The following ERC1 variants were observed in gnomAD, a reference collection of about 807,000 sequenced individuals.
ERC1 encodes ELKS/RAB6-interacting/CAST family member 1, also known as RAB6 interacting protein 2.
In ERC1, 56 loss-of-function variants were observed where a neutral mutation model predicts 132.0. The ratio of observed to expected loss-of-function variants is 0.42; its 90% CI spans 0.34 to 0.53. The LOEUF is 0.53. Ranked by LOEUF, ERC1 falls within the 20% of genes least tolerant of loss-of-function variation. The pLI is 0.03. For missense variants in ERC1, 1,202 were observed against 1,349.9 expected, an observed-to-expected ratio of 0.89 and a Z score of 1.72; for synonymous variants, 478 against 476.1, an observed-to-expected ratio of 1.00 and a Z score of -0.05.
At position 1,124,672 on chromosome 12, in the gene ERC1, A is replaced by G. The variant is rs544159763; in HGVS notation, c.1569+8639A>G. Among the ~76,000 whole-genome samples the G allele has an allele frequency of 3.3e-5, 5 of 152,276 alleles. No individual in the cohort carries two copies. In the South Asian group the frequency reaches 1.0e-3, roughly 32 times the overall value. On this transcript the variant is annotated intron_variant, in intron 7 of 18. Transcript: ENST00000360905. ...ATAAGGTGAGAAATTAATAGAGAATAAAACAACACCAAGAGGTAGTTATTT... is the reference window on the plus strand; with the variant it reads ...ATAAGGTGAGAAATTAATAGAGAATGAAACAACACCAAGAGGTAGTTATTT...
At chr12:1,317,059 G>T (rs1414502497) in intron 15 of ERC1, among the ~76,000 whole-genome samples, 4 of 151,870 alleles carry the variant, frequency 2.6e-5, no homozygotes, top group Non-Finnish European at 4.4e-5. Context: ...TACTCAGGAG[G>T]CTGAGACAGG....
At chr12:1,038,981 G>T (rs980528100) in intron 2 of ERC1, among the ~76,000 whole-genome samples, 2 of 151,514 alleles carry the variant, frequency 1.3e-5, no homozygotes, top group East Asian at 3.9e-4. Context: ...AGGTGGGCAG[G>T]TTACTTGAGC....
chr12:1,450,028 C>T (rs926412450), intron 18 of ERC1, among the ~76,000 whole-genome samples: 3 of 152,190 alleles, frequency 2.0e-5, no homozygotes, highest in Admixed American at 6.5e-5. Flanking sequence ...TGGAATCTGC[C>T]AATAGTATAC....
At chr12:1,460,474 C>T (rs2093623122) in intron 18 of ERC1, among the ~76,000 whole-genome samples, 1 of 152,172 alleles carries the variant, frequency 6.6e-6, no homozygotes, top group Non-Finnish European at 1.5e-5. Context: ...ATCGCTGCAC[C>T]ATTACAAGAG....
intron 8 of ERC1, among the ~76,000 whole-genome samples, chr12:1,150,786 G>A (rs1267967586): frequency 6.6e-6 from 1 of 152,114 alleles, no homozygotes. Context: ...AAACTGCCAA[G>A]CCTCCAAAAA....
intron 15 of ERC1, among the ~76,000 whole-genome samples, chr12:1,294,479 TTCTC>T (rs962414917): frequency 2.6e-5 from 4 of 152,160 alleles, no homozygotes; most frequent in African/African-American, 7.2e-5. Flanking sequence ...TCAAAATTCT[TTCTC>T]TCTCTCTATC....
intron 15 of ERC1, among the ~76,000 whole-genome samples, chr12:1,320,475 T>C (rs1243530848): frequency 6.6e-6 from 1 of 152,240 alleles, no homozygotes; most frequent in Non-Finnish European, 1.5e-5. Flanking sequence ...CATAGTATTA[T>C]ATTTAATTAG....
At chr12:1,448,356 A>G (rs2154414802) in intron 18 of ERC1, among the ~76,000 whole-genome samples, 1 of 152,282 alleles carries the variant, frequency 6.6e-6, no homozygotes, top group East Asian at 1.9e-4. Context: ...CCCCTACTAT[A>G]AGCTTCTTCA....
chr12:1,440,256 G>A (rs377229993), intron 17 of ERC1, among the ~76,000 whole-genome samples: 1 of 139,264 alleles, frequency 7.2e-6, no homozygotes, highest in South Asian at 2.3e-4. Flanking sequence ...CCAGGCTGGA[G>A]TGCAGTGGTG....
intron 12 of ERC1, among the ~76,000 whole-genome samples, chr12:1,190,582 G>A (rs1955620357): frequency 6.6e-6 from 1 of 152,080 alleles, no homozygotes; most frequent in South Asian, 2.1e-4. Context: ...CCACGGATAT[G>A]TTTTTTTATG....
chr12:1,035,278 T>C (rs1242953857), intron 2 of ERC1, among the ~76,000 whole-genome samples: 1 of 152,220 alleles, frequency 6.6e-6, no homozygotes, highest in African/African-American at 2.4e-5. Flanking sequence ...AGTTTGAGAC[T>C]GGGGATTTAG....
At chr12:1,034,046 C>G (rs1968588900) in intron 2 of ERC1, among the ~76,000 whole-genome samples, 1 of 152,080 alleles carries the variant, frequency 6.6e-6, no homozygotes, top group Non-Finnish European at 1.5e-5. Flanking sequence ...GAAACTGTAT[C>G]TGTATTTTTA....
At chr12:1,021,737 A>G (rs1010215249) in intron 1 of ERC1, among the ~76,000 whole-genome samples, 1 of 151,736 alleles carries the variant, frequency 6.6e-6, no homozygotes, top group Non-Finnish European at 1.5e-5. Flanking sequence ...CCTAAGCCCA[A>G]TGTTCCTTAG....
chr12:1,261,048 C>T (rs1004840228), intron 13 of ERC1, among the ~76,000 whole-genome samples: 3 of 152,166 alleles, frequency 2.0e-5, no homozygotes, highest in Non-Finnish European at 2.9e-5. Context: ...TAATGAAACA[C>T]TATGAAACTT....
At chr12:1,267,639 A>G (rs1324750232) in intron 14 of ERC1, among the ~76,000 whole-genome samples, 1 of 152,116 alleles carries the variant, frequency 6.6e-6, no homozygotes, top group African/African-American at 2.4e-5. Flanking sequence ...GGGTATGCCT[A>G]TATTCCCAGC....
At chr12:1,308,368 AT>A (rs2081041426) in intron 15 of ERC1, among the ~76,000 whole-genome samples, 1 of 152,172 alleles carries the variant, frequency 6.6e-6, no homozygotes, top group African/African-American at 2.4e-5. Flanking sequence ...AAATTAGGAC[AT>A]TTCAATAAAA....
intron 8 of ERC1, among the ~76,000 whole-genome samples, chr12:1,173,857 G>A (rs1953366097): frequency 6.6e-6 from 1 of 152,204 alleles, no homozygotes; most frequent in East Asian, 1.9e-4. Context: ...CTTCAGTGGG[G>A]CTCAGCTGTT....
Position 1,490,349 on chromosome 12 carries a change from T to G in ERC1, c.*119T>G. ...CACTACAAACTTCATCCCAACTTGC[T>G]CACTTGAAGAAGTGTGATTCCAGCA... On this transcript the variant is annotated 3_prime_UTR_variant, in exon 19 of 19. Transcript: ENST00000360905. 1 of 972,232 alleles carries G rather than the reference T, an allele frequency of 1.0e-6. No individual in the cohort carries two copies. The highest frequency in any genetic ancestry group is 1.5e-6 in the Non-Finnish European group (1 of 665,652). The allele number at this position is 972,232 out of a possible 1,614,324, so 60.2% of individuals were successfully genotyped here. A position where few individuals can be genotyped will look rare whatever the true frequency, so the allele number is the denominator to read the frequency against.
At chr12:1,110,416 T>A in intron 5 of ERC1, 69 bp downstream of exon 5, 1 of 1,309,470 alleles carries the variant, frequency 7.6e-7, no homozygotes, top group Non-Finnish European at 1.1e-6. Context: ...TTTACTTCTC[T>A]AGTGATGATA....
Sources: gnomAD v4.1 joint callset for allele counts (sites outside exome capture counted in the v4.1 genomes callset) on GRCh38, gnomAD v4.1.1 for gene constraint, MANE v1.5 for transcripts, NCBI Gene and HGNC (gene_info 2026-07-23, HGNC 2026-07-21) for gene names.